Variants in RNF10 observed in about 807,000 individuals in gnomAD.
RNF10 encodes ring finger protein 10.
Under a neutral mutation model 91.4 loss-of-function variants are expected in RNF10, and 38 were observed. The ratio of observed to expected loss-of-function variants is 0.42; its 90% confidence interval spans 0.32 to 0.54. RNF10 has a LOEUF of 0.54. Ranked by LOEUF, RNF10 falls within the 20% of genes least tolerant of loss-of-function variation. RNF10 has a pLI of 0.16. For synonymous variants in RNF10, 364 were observed against 366.3 expected (o/e 0.99, Z 0.07); for missense variants, 945 against 1,012.0 (o/e 0.93, Z 0.90).
At chr12:120,551,993 A>G (rs11611814) in intron 2 of RNF10, among the ~76,000 whole-genome samples, 12,932 of 151,286 alleles carry the variant, frequency 0.085, 702 homozygotes, top group Non-Finnish European at 0.11. Flanking sequence ...GGAAGACTGC[A>G]TAAGAGGAAA....
intron 1 of RNF10, among the ~76,000 whole-genome samples, chr12:120,542,749 C>T (rs1272440295): frequency 1.3e-5 from 2 of 151,712 alleles, no homozygotes; most frequent in African/African-American, 4.8e-5. Flanking sequence ...GATGGGGCTT[C>T]ACCATGTTGG....
intron 6 of RNF10, among the ~76,000 whole-genome samples, chr12:120,558,790 C>T (rs7299954): frequency 0.15 from 23,278 of 150,964 alleles, 2,185 homozygotes; most frequent in African/African-American, 0.27. Flanking sequence ...AGGCTAGTCT[C>T]GAACTCCCGA....
In RNF10 at chr12:120,560,683, C is replaced by T. The variant is rs781337403; in HGVS notation, c.968-43C>T. On this transcript the variant is annotated intron_variant, in intron 6 of 16. Transcript: ENST00000325954. ...TCCTATTTAGCTACACCATCGTGAGCTTTGAATGTTGCATTTCTTTGATCT... is the reference window on the plus strand; with the variant it reads ...TCCTATTTAGCTACACCATCGTGAGTTTTGAATGTTGCATTTCTTTGATCT... The T allele has an allele frequency of 7.5e-6, 12 of 1,590,076 alleles. No homozygotes were observed. The Admixed American group carries it at 1.7e-4, about 22-fold the overall frequency.
At chr12:120,557,817 T>A in intron 6 of RNF10, 135 bp downstream of exon 6, 1 of 939,346 alleles carries the variant, frequency 1.1e-6, no homozygotes, top group Non-Finnish European at 1.6e-6. Flanking sequence ...AGGATTCCAG[T>A]AGGTTAGGGT....
chr12:120,572,900 CTT>C (rs35567785), intron 14 of RNF10, among the ~76,000 whole-genome samples: 15 of 100,602 alleles, frequency 1.5e-4, no homozygotes, highest in Non-Finnish European at 1.9e-4. Context: ...TGCGCCTGGC[CTT>C]TTTTTTTTTT....
At chr12:120,574,489 G>T (rs1017507937) in intron 14 of RNF10, 4 of 455,984 alleles carry the variant, frequency 8.8e-6, no homozygotes, top group Non-Finnish European at 1.8e-5. Context: ...GCCTGTGGTT[G>T]GATCTGAAAG....
At chr12:120,554,658 G>C in intron 3 of RNF10, 60 bp from the exon 4 acceptor site, 1 of 1,310,348 alleles carries the variant, frequency 7.6e-7, no homozygotes, top group Non-Finnish European at 1.1e-6. Flanking sequence ...GACAATTTCT[G>C]CTGAGGGTTT....
chr12:120,545,857 C>G (rs1181911467), intron 1 of RNF10, among the ~76,000 whole-genome samples: 1 of 152,196 alleles, frequency 6.6e-6, no homozygotes, highest in Non-Finnish European at 1.5e-5. Context: ...GCTTTTAGAG[C>G]TCAACTTCTT....
At chr12:120,569,556 G>T (rs1198932082) in intron 13 of RNF10, among the ~76,000 whole-genome samples, 1 of 13,096 alleles carries the variant, frequency 7.6e-5, no homozygotes, top group Non-Finnish European at 2.1e-4. Context: ...TTTTGAGACA[G>T]GGTCTCGCTC....
chr12:120,561,020 A>C, intron 7 of RNF10, 134 bp downstream of exon 7: 1 of 886,612 alleles, frequency 1.1e-6, no homozygotes, highest in South Asian at 2.0e-5. Flanking sequence ...GTTCCATTCC[A>C]CATTTAAGAC....
intron 6 of RNF10, among the ~76,000 whole-genome samples, chr12:120,558,865 C>T (rs10849760): frequency 0.27 from 40,469 of 151,706 alleles, 6,573 homozygotes; most frequent in Admixed American, 0.39. Context: ...CCACTGTGAC[C>T]GGCCAAGAAA....
intron 9 of RNF10, 93 bp from the exon 10 acceptor site, chr12:120,563,717 C>G (rs1472583868): frequency 4.4e-6 from 7 of 1,579,254 alleles, no homozygotes; most frequent in Non-Finnish European, 6.0e-6. Context: ...GATCCTGTGG[C>G]TTGGGTGGCT....
chr12:120,540,333 A>G (rs1308687914), intron 1 of RNF10, among the ~76,000 whole-genome samples: 5 of 152,090 alleles, frequency 3.3e-5, no homozygotes, highest in Non-Finnish European at 5.9e-5. Flanking sequence ...AGTCTGTGCA[A>G]GTGATTCTGG....
chr12:120,575,168 A>C (rs1429773633), intron 14 of RNF10: 2 of 159,716 alleles, frequency 1.3e-5, no homozygotes, highest in South Asian at 3.5e-4. Context: ...CCTGGGAGGC[A>C]CAGGTCACAG....
intron 13 of RNF10, among the ~76,000 whole-genome samples, chr12:120,569,776 G>A (rs1876340433): frequency 6.6e-6 from 1 of 151,808 alleles, no homozygotes; most frequent in Non-Finnish European, 1.5e-5. Flanking sequence ...GGCTTCAAGT[G>A]ATCCGCCTGC....
intron 14 of RNF10, 97 bp from the exon 15 acceptor site, chr12:120,575,534 T>G: frequency 7.7e-7 from 1 of 1,291,964 alleles, no homozygotes; most frequent in Admixed American, 1.8e-5. Context: ...AAGGTGATAG[T>G]TGGTTCTGTG....
chr12:120,548,011 T>G (rs1459601498), intron 2 of RNF10, among the ~76,000 whole-genome samples: 2 of 152,152 alleles, frequency 1.3e-5, no homozygotes, highest in Non-Finnish European at 2.9e-5. Flanking sequence ...TTGTTAGATG[T>G]GGGGTCTGAG....
intron 9 of RNF10, 60 bp from the exon 10 acceptor site, chr12:120,563,750 G>T: frequency 6.2e-7 from 1 of 1,600,412 alleles, no homozygotes; most frequent in Non-Finnish European, 8.5e-7. Context: ...CATGGGGAGG[G>T]GTGGGGAGCC....
chr12:120,571,405 A>G, intron 14 of RNF10, 114 bp downstream of exon 14: 1 of 776,990 alleles, frequency 1.3e-6, no homozygotes, highest in East Asian at 2.6e-5. Flanking sequence ...CGGCTGGACA[A>G]ATTGAGTCAT....
Sources: allele counts gnomAD v4.1 joint callset (sites outside exome capture counted in the v4.1 genomes callset), GRCh38; gene constraint gnomAD v4.1.1; transcripts MANE v1.5; gene names NCBI Gene and HGNC (gene_info 2026-07-23, HGNC 2026-07-21).